Variants in PMEPA1 observed in about 807,000 individuals in gnomAD.
PMEPA1 encodes protein TMEPAI.
PMEPA1 carries 11 observed loss-of-function variants against 23.0 expected under a neutral mutation model. That is an observed-to-expected ratio of 0.48 (90% confidence interval 0.30 to 0.79). The LOEUF (loss-of-function observed/expected upper bound fraction) is 0.79. PMEPA1 is among the 30% of genes least tolerant of loss of function. The pLI is 0.06. For missense variants in PMEPA1, 377 were observed against 390.9 expected, an observed-to-expected ratio of 0.96 and a Z score of 0.30; for synonymous variants, 204 against 166.4, an observed-to-expected ratio of 1.23 and a Z score of -1.74.
In PMEPA1 at chr20:57,652,679, G is replaced by T; in HGVS notation, c.319-81C>A. ...GAAGCGATCCTGAGACTGGAGTTCTGCTGCATGGGACTTGGCTCTCTGGGG... is the reference window on the plus strand; with the variant it reads ...GAAGCGATCCTGAGACTGGAGTTCTTCTGCATGGGACTTGGCTCTCTGGGG... On this transcript the variant is annotated intron_variant, in intron 3 of 3. Transcript: ENST00000341744. This position sits in a 1 kb window ranked among gnomAD's most constrained non-coding sequence, Gnocchi z 6.1. 2 of 1,195,058 alleles carry T rather than the reference G, an allele frequency of 1.7e-6. No homozygotes were observed. The highest frequency in any genetic ancestry group is 2.3e-6 in the Non-Finnish European group (2 of 879,068). 74.0% of individuals were successfully genotyped at this position (1,195,058 alleles called of 1,614,324 possible). A position where few individuals can be genotyped will look rare whatever the true frequency, so the allele number is the denominator to read the frequency against.
chr20:57,686,883 G>A lies in PMEPA1; in HGVS notation c.109+22591C>T, dbSNP rs550328199. 8.5e-5 allele frequency among the ~76,000 whole-genome samples: 13 copies of A among 152,356 alleles called. No individual in the cohort carries two copies. In the South Asian group the frequency reaches 1.2e-3, roughly 15 times the overall value. On this transcript the variant is annotated intron_variant, in intron 1 of 3. Coordinates refer to ENST00000341744, the MANE Select transcript of PMEPA1 (RefSeq NM_020182.5). ...AAAAACAGCTGTCTACACTAATCCC[G>A]TGGGAAGGACAGTGCACCAGGGAGA...
chr20:57,663,908 C>A (rs562166022), intron 1 of PMEPA1, among the ~76,000 whole-genome samples: 1 of 152,200 alleles, frequency 6.6e-6, no homozygotes, highest in South Asian at 2.1e-4. Context: ...GGATGCTGTG[C>A]GGGAGGAAGG....
At chr20:57,659,099 C>T (rs967432579) in intron 2 of PMEPA1, among the ~76,000 whole-genome samples, 1 of 152,174 alleles carries the variant, frequency 6.6e-6, no homozygotes, top group Non-Finnish European at 1.5e-5. Context: ...CCTCCCTAGC[C>T]GAGGGTTCCT....
In PMEPA1 at chr20:57,652,622, AG is replaced by A; in HGVS notation, c.319-25del. The A allele has an allele frequency of 6.9e-7, 1 of 1,446,120 alleles. No individual in the cohort carries two copies. The highest frequency in any genetic ancestry group is 2.8e-5 in the Admixed American group (1 of 35,540). The allele number at this position is 1,446,120 out of a possible 1,614,324, so 89.6% of individuals were successfully genotyped here. ...GGCTGGAGGAAGCAGAGCGGGAGTG[AG>A]GGAGGGCGGCTGTCTCAGGTGGGTT... On this transcript the variant is annotated intron_variant, in intron 3 of 3. Coordinates refer to ENST00000341744, the MANE Select transcript of PMEPA1 (RefSeq NM_020182.5). The surrounding 1 kb of genome is among the most constrained non-coding windows in gnomAD (Gnocchi z 6.1).
chr20:57,695,182 C>T (rs2146702946), intron 1 of PMEPA1, among the ~76,000 whole-genome samples: 1 of 152,394 alleles, frequency 6.6e-6, no homozygotes, highest in South Asian at 2.1e-4. Context: ...GGGTCACCCA[C>T]ATCCTCATTC....
chr20:57,687,137 A>T (rs1461110082), intron 1 of PMEPA1, among the ~76,000 whole-genome samples: 1 of 152,220 alleles, frequency 6.6e-6, no homozygotes, highest in Non-Finnish European at 1.5e-5. Flanking sequence ...CCAGACGTGG[A>T]TGTGTAGGTT....
chr20:57,693,667 T>C (rs1197467912), intron 1 of PMEPA1, among the ~76,000 whole-genome samples: 1 of 152,144 alleles, frequency 6.6e-6, no homozygotes, highest in African/African-American at 2.4e-5. Flanking sequence ...CTGCAGAATA[T>C]CCACCCATTT....
chr20:57,679,571 G>A (rs546294474), intron 1 of PMEPA1, among the ~76,000 whole-genome samples: 43 of 152,348 alleles, frequency 2.8e-4, no homozygotes, highest in Non-Finnish European at 5.7e-4. Flanking sequence ...GGACCTGCAG[G>A]GAATGGACTT....
rs1242802378 is a variant in PMEPA1, at chr20:57,656,159, C to T, written c.265-3073G>A. Among the ~76,000 whole-genome samples, 1 of 150,946 alleles carries T rather than the reference C, an allele frequency of 6.6e-6. No homozygotes were observed. Among genetic ancestry groups the T allele is most frequent in the Non-Finnish European group, 1.5e-5 (1 of 67,604 alleles). ...GTTTCTAAAGAATAAAGAGATGTTC[C>T]TAAAAAATTCGGTACCTCCCATGTC... On this transcript the variant is annotated intron_variant, in intron 2 of 3. Transcript: ENST00000341744. The surrounding 1 kb of genome is among the most constrained non-coding windows in gnomAD (Gnocchi z 4.7).
At chr20:57,667,424 T>C (rs1453022990) in intron 1 of PMEPA1, among the ~76,000 whole-genome samples, 1 of 152,128 alleles carries the variant, frequency 6.6e-6, no homozygotes, top group Non-Finnish European at 1.5e-5. Context: ...CGACTGAGTT[T>C]CTCAGAAATA....
chr20:57,689,916 C>T (rs1027002869), intron 1 of PMEPA1, among the ~76,000 whole-genome samples: 6 of 152,102 alleles, frequency 3.9e-5, no homozygotes, highest in African/African-American at 1.4e-4. Flanking sequence ...CTGGGGCTGA[C>T]GTGGGTCCCA....
At chr20:57,690,772 C>T (rs940436825) in intron 1 of PMEPA1, 5 of 305,750 alleles carry the variant, frequency 1.6e-5, no homozygotes, top group African/African-American at 2.2e-5. Flanking sequence ...GGAGCCTGGC[C>T]GTCTACTCCT....
At chr20:57,710,433 G>A (rs562922483), upstream of PMEPA1, 2 of 1,599,816 alleles carry the variant, frequency 1.3e-6, no homozygotes, top group African/African-American at 1.3e-5. Flanking sequence ...TTGGAGAAAG[G>A]GGGAGGAAGC....
At chr20:57,676,301 C>T (rs1382463995) in intron 1 of PMEPA1, among the ~76,000 whole-genome samples, 2 of 152,178 alleles carry the variant, frequency 1.3e-5, no homozygotes, top group African/African-American at 4.8e-5. Context: ...CACAGGACTG[C>T]TTAAGGGTGA....
intron 1 of PMEPA1, among the ~76,000 whole-genome samples, chr20:57,674,727 T>A (rs1226141054): frequency 6.6e-6 from 1 of 152,210 alleles, no homozygotes; most frequent in Non-Finnish European, 1.5e-5. Context: ...CCCTTCCTAT[T>A]CCCTCACTGC....
At position 57,650,442 on chromosome 20, in the gene PMEPA1, C is replaced by T. The variant is rs557230531; in HGVS notation, c.*1611G>A. 1 of 152,396 alleles carries T rather than the reference C, an allele frequency of 6.6e-6. No homozygotes were observed. Among genetic ancestry groups the T allele is most frequent in the East Asian group, 1.9e-4 (1 of 5,170 alleles). 9.4% of individuals were successfully genotyped at this position (152,396 alleles called of 1,614,324 possible). On this transcript the variant is annotated 3_prime_UTR_variant, in exon 4 of 4. Transcript: ENST00000341744. ...CCAAAGCCCCACCCCTCATGCTCTC[C>T]TCTGGTCACCTCTATTTACGCTCAC...
At chr20:57,664,697 A>C (rs1400641444) in intron 1 of PMEPA1, among the ~76,000 whole-genome samples, 1 of 152,198 alleles carries the variant, frequency 6.6e-6, no homozygotes, top group Admixed American at 6.5e-5. Context: ...GCGAGGCGGA[A>C]GGAGAGAAGG....
At chr20:57,666,851 C>A (rs531253863) in intron 1 of PMEPA1, among the ~76,000 whole-genome samples, 8 of 152,358 alleles carry the variant, frequency 5.3e-5, no homozygotes, top group African/African-American at 1.7e-4. Flanking sequence ...AAAGACTTCA[C>A]CCTGTCTCTG....
intron 1 of PMEPA1, among the ~76,000 whole-genome samples, chr20:57,660,040 C>T (rs188601335): frequency 2.0e-5 from 3 of 152,296 alleles, no homozygotes; most frequent in East Asian, 1.9e-4. Flanking sequence ...CTCCTGGAGC[C>T]GTTCTGCAGA....
Sources: allele counts gnomAD v4.1 joint callset (sites outside exome capture counted in the v4.1 genomes callset), GRCh38; gene constraint gnomAD v4.1.1; non-coding constraint Gnocchi (gnomAD v3.1); transcripts MANE v1.5; gene names NCBI Gene and HGNC (gene_info 2026-07-23, HGNC 2026-07-21).